Variants in DDR1 observed in about 807,000 individuals in gnomAD.
DDR1 encodes the protein discoidin domain receptor tyrosine kinase 1.
Under a neutral mutation model 97.4 loss-of-function variants are expected in DDR1, and 64 were observed. The ratio of observed to expected loss-of-function variants is 0.66; its 90% CI spans 0.54 to 0.81. The LOEUF is 0.81. Ranked by LOEUF, DDR1 falls within the 30% of genes least tolerant of loss-of-function variation. DDR1 has a pLI of 0.00. For synonymous variants in DDR1, 458 were observed against 503.7 expected (o/e 0.91, Z 1.21); for missense variants, 990 against 1,259.6 (o/e 0.79, Z 3.24).
rs1786803676 is a variant in DDR1, at chr6:30,888,704, C to G, written c.-26C>G. 6.2e-7 allele frequency: 1 copy of G among 1,612,474 alleles called. No homozygotes were observed. Among genetic ancestry groups the G allele is most frequent in the East Asian group, 2.2e-5 (1 of 44,858 alleles). ...CCCCTGCAGAGATGCTGCCCCCACC[C>G]CCTTAGGCCCGAGGGATCAGGAGCT... On this transcript the variant is annotated 5_prime_UTR_variant, in exon 2 of 18. Transcript: ENST00000376568. The surrounding 1 kb of genome is among the most constrained non-coding windows in gnomAD (Gnocchi z 4.2).
chr6:30,892,571 TC>T (rs765021204), intron 8 of DDR1, 29 bp downstream of exon 8: 3 of 1,531,038 alleles, frequency 2.0e-6, no homozygotes, highest in African/African-American at 2.8e-5. Context: ...CAGTCTCCAG[TC>T]CCTGAAATTG....
At chr6:30,882,685 G>T (rs1047985621), upstream of DDR1, 8 of 152,684 alleles carry the variant, frequency 5.2e-5, no homozygotes, top group South Asian at 2.1e-4. This position sits in a 1 kb window ranked among gnomAD's most constrained non-coding sequence, Gnocchi z 4.8. Flanking sequence ...GGGGACAAAG[G>T]TTTCAGGACT....
Position 30,886,964 on chromosome 6 carries a change from T to G in DDR1, c.-42-1724T>G, listed in dbSNP as rs1786076391. 6.6e-6 allele frequency: 1 copy of G among 152,230 alleles called. No individual in the cohort carries two copies. Among genetic ancestry groups the G allele is most frequent in the Non-Finnish European group, 1.5e-5 (1 of 68,064 alleles). 9.4% of individuals were successfully genotyped at this position (152,230 alleles called of 1,614,324 possible). On this transcript the variant is annotated intron_variant, in intron 1 of 17. Coordinates refer to ENST00000376568, the MANE Select transcript of DDR1 (RefSeq NM_001297654.2). The surrounding 1 kb of genome is among the most constrained non-coding windows in gnomAD (Gnocchi z 4.6). ...AGGAACAGAGTAGGGATTTTCAAAC[T>G]TTAATGGGCACAGGTCACCTGGGAA...
At position 30,890,692 on chromosome 6, in the gene DDR1, A is replaced by G. The variant is rs2150320857; in HGVS notation, c.418-281A>G. The stretch of plus-strand genomic sequence containing the variant: ...GGGAGAATCTGGGCACAATGGGATG[A>G]TAGGCTTGGAGACAAATGGATGGAG... On this transcript the variant is annotated intron_variant, in intron 4 of 17. Coordinates refer to ENST00000376568, the MANE Select transcript of DDR1 (RefSeq NM_001297654.2). This position sits in a 1 kb window ranked among gnomAD's most constrained non-coding sequence, Gnocchi z 5.0. 4.7e-6 allele frequency: 2 copies of G among 422,634 alleles called. No individual in the cohort carries two copies. Among genetic ancestry groups the G allele is most frequent in the East Asian group, 7.7e-5 (2 of 25,892 alleles). 26.2% of individuals were successfully genotyped at this position (422,634 alleles called of 1,614,324 possible).
rs200321415 is a variant in DDR1, at chr6:30,893,435, C to T, written c.1347+12C>T. ...GGCTCCTCAGCAAGGTGGGCACAGCCGTGGCATGTGGAGTGGCGGGGGGAG... is the reference window on the plus strand; with the variant it reads ...GGCTCCTCAGCAAGGTGGGCACAGCTGTGGCATGTGGAGTGGCGGGGGGAG... On this transcript the variant is annotated intron_variant, in intron 10 of 17. Coordinates refer to ENST00000376568, the MANE Select transcript of DDR1 (RefSeq NM_001297654.2). The T allele has an allele frequency of 8.8e-6, 14 of 1,599,428 alleles. No individual in the cohort carries two copies. Among genetic ancestry groups the T allele is most frequent in the East Asian group, 4.5e-5 (2 of 44,732 alleles).
chr6:30,897,601 C>A lies in DDR1; in HGVS notation c.2216+4C>A. 1 of 1,606,362 alleles carries A rather than the reference C, an allele frequency of 6.2e-7. No homozygotes were observed. Among genetic ancestry groups the A allele is most frequent in the Non-Finnish European group, 8.5e-7 (1 of 1,177,596 alleles). On this transcript the variant is annotated splice_donor_region_variant and intron_variant, in intron 15 of 17. Coordinates refer to ENST00000376568, the MANE Select transcript of DDR1 (RefSeq NM_001297654.2). This position sits in a 1 kb window ranked among gnomAD's most constrained non-coding sequence, Gnocchi z 5.2. ...CTGCGCAGGGGCCCACCATCAGGTA[C>A]CTGCTTACCCAGGCTGGGCCTTGCT...
In DDR1 at chr6:30,895,382, C is replaced by T. The variant is rs372202163; in HGVS notation, c.1514-22C>T. On this transcript the variant is annotated intron_variant, in intron 11 of 17. Coordinates refer to ENST00000376568, the MANE Select transcript of DDR1 (RefSeq NM_001297654.2). Reference sequence around the variant, plus strand: ...TGAGTCTCATCCCTTCCCCGTGTTTCCCCTCCTCCTTCTCCCGACAGCGTT... The same window carrying T: ...TGAGTCTCATCCCTTCCCCGTGTTTTCCCTCCTCCTTCTCCCGACAGCGTT... The T allele has an allele frequency of 4.4e-6, 7 of 1,584,084 alleles. No homozygotes were observed. In the African/African-American group the frequency reaches 8.1e-5, roughly 18 times the overall value.
At chr6:30,892,219 T>C (rs2150350296) in intron 7 of DDR1, 31 bp downstream of exon 7, 3 of 1,612,466 alleles carry the variant, frequency 1.9e-6, no homozygotes, top group Non-Finnish European at 2.5e-6. Context: ...AGGAGGGCTC[T>C]GAAGCCATGC....
rs765761360 is a variant in DDR1 at position 30,892,162 on chromosome 6, C to T, written c.826C>T (p.Arg276Trp). 21 of 1,614,152 alleles carry T rather than the reference C, an allele frequency of 1.3e-5. No individual in the cohort carries two copies. The highest frequency in any genetic ancestry group is 6.7e-5 in the Admixed American group (4 of 60,022). Residue 276 changes from arginine (R) to tryptophan (W), a missense_variant, in exon 7 of 18, where the codon CGG becomes TGG. Physicochemically the swap from Arg to Trp is moderately radical, Grantham distance 101. Transcript: ENST00000376568. ...TGTGGAGATGGAGTTTGAGTTTGAC[C>T]GGCTGAGGGCCTTCCAGGCTATGCA... Reference protein sequence around the residue: ...GYVEMEFEFDRLRAFQAMQVH... With the variant: ...GYVEMEFEFDWLRAFQAMQVH...
chr6:30,882,276 C>T (rs1784426356), upstream of DDR1, among the ~76,000 whole-genome samples: 1 of 152,248 alleles, frequency 6.6e-6, no homozygotes, highest in South Asian at 2.1e-4. This position sits in a 1 kb window ranked among gnomAD's most constrained non-coding sequence, Gnocchi z 4.8. Context: ...TTCCCATCCT[C>T]TCCTTCCTGG....
Position 30,897,073 on chromosome 6 carries a change from T to G in DDR1, c.1929T>G (p.Asn643Lys), listed in dbSNP as rs1406176405. The change falls in exon 14 of 18, where the codon AAT becomes AAG. Residue 643 changes from asparagine to lysine, a missense_variant. Physicochemically the swap from Asn to Lys is moderately conservative, Grantham distance 94. Transcript: ENST00000376568. The surrounding 1 kb of genome is among the most constrained non-coding windows in gnomAD (Gnocchi z 5.2). ...TGGTTAGTCTTGATTTCCCCCTTAATGTGCGTAAGGGACACCCTTTGCTGG... is the reference window on the plus strand; with the variant it reads ...TGGTTAGTCTTGATTTCCCCCTTAAGGTGCGTAAGGGACACCCTTTGCTGG... ...QDLVSLDFPL[N>K]VRKGHPLLVA... 1.2e-6 allele frequency: 2 copies of G among 1,613,776 alleles called. No individual in the cohort carries two copies. Among genetic ancestry groups the G allele is most frequent in the Non-Finnish European group, 1.7e-6 (2 of 1,179,898 alleles).
intron 1 of DDR1, among the ~76,000 whole-genome samples, chr6:30,887,992 G>C (rs1786519769): frequency 6.6e-6 from 1 of 152,172 alleles, no homozygotes; most frequent in Non-Finnish European, 1.5e-5. Context: ...GACATTGCTA[G>C]ATTGCTTTCC....
upstream of DDR1, chr6:30,882,675 G>A (rs1359691741): frequency 6.6e-6 from 1 of 152,442 alleles, no homozygotes; most frequent in Non-Finnish European, 1.5e-5. The surrounding 1 kb of genome is among the most constrained non-coding windows in gnomAD (Gnocchi z 4.8). Context: ...AGTGAGAAGA[G>A]GGGACAAAGG....
rs112944019 is a variant in DDR1 at position 30,892,079 on chromosome 6, G to A, written c.743G>A (p.Arg248Gln). 9 of 1,614,076 alleles carry A rather than the reference G, an allele frequency of 5.6e-6. No individual in the cohort carries two copies. The Admixed American group carries it at 6.7e-5, about 12-fold the overall frequency. ...LDDFRKSQELRVWPGYDYVGW... is the reference protein window; with the variant it reads ...LDDFRKSQELQVWPGYDYVGW... ...GACTTTAGGAAGAGTCAGGAGCTGCGGGTCTGGCCAGGCTATGACTATGTG... is the reference window on the plus strand; with the variant it reads ...GACTTTAGGAAGAGTCAGGAGCTGCAGGTCTGGCCAGGCTATGACTATGTG... Residue 248 changes from arginine to glutamine, a missense_variant, in exon 7 of 18, where the codon CGG becomes CAG. Arg to Gln is a conservative substitution (Grantham distance 43, BLOSUM62 1). Coordinates refer to ENST00000376568, the MANE Select transcript of DDR1 (RefSeq NM_001297654.2).
chr6:30,895,299 C>G (rs759442748), intron 11 of DDR1, 105 bp from the exon 12 acceptor site: 1 of 762,116 alleles, frequency 1.3e-6, no homozygotes, highest in Non-Finnish European at 2.1e-6. Context: ...TCTCTTAATG[C>G]AATCATCCCA....
Position 30,895,401 on chromosome 6 carries a change from C to T in DDR1, c.1514-3C>T. 1 of 1,607,224 alleles carries T rather than the reference C, an allele frequency of 6.2e-7. No homozygotes were observed. The highest frequency in any genetic ancestry group is 8.5e-7 in the Non-Finnish European group (1 of 1,176,820). ...GTGTTTCCCCTCCTCCTTCTCCCGA[C>T]AGCGTTGCTGCTCTCCAATCCAGCC... On this transcript the variant is annotated splice_polypyrimidine_tract_variant and splice_region_variant and intron_variant, in intron 11 of 17. Transcript: ENST00000376568.
rs997349656 is a variant in DDR1 at position 30,886,017 on chromosome 6, C to T, written c.-43+1307C>T. ...CCTCTCTTGCCCTCTGGGTCTCTGACTGTGGACTGAAGACCCAGTGGAGAG... is the reference window on the plus strand; with the variant it reads ...CCTCTCTTGCCCTCTGGGTCTCTGATTGTGGACTGAAGACCCAGTGGAGAG... On this transcript the variant is annotated intron_variant, in intron 1 of 17. Coordinates refer to ENST00000376568, the MANE Select transcript of DDR1 (RefSeq NM_001297654.2). The surrounding 1 kb of genome is among the most constrained non-coding windows in gnomAD (Gnocchi z 4.6). 6.6e-6 allele frequency among the ~76,000 whole-genome samples: 1 copy of T among 152,066 alleles called. No homozygotes were observed. The highest frequency in any genetic ancestry group is 1.5e-5 in the Non-Finnish European group (1 of 68,028).
chr6:30,898,442 T>C (rs1791745352), intron 16 of DDR1, 135 bp downstream of exon 16: 2 of 698,958 alleles, frequency 2.9e-6, no homozygotes, highest in Non-Finnish European at 4.8e-6. Context: ...TAATATGAGG[T>C]TCTCCTAGCC....
rs2150487410 is a variant in DDR1, at chr6:30,899,279, G to A, written c.2725G>A (p.Ala909Thr). The A allele has an allele frequency of 6.2e-7, 1 of 1,613,122 alleles. No individual in the cohort carries two copies. The highest frequency in any genetic ancestry group is 8.5e-7 in the Non-Finnish European group (1 of 1,179,408). Residue 909 changes from alanine (A) to threonine (T), a missense_variant, in exon 18 of 18, where the codon GCA (alanine) becomes ACA (threonine). By Grantham distance (58) the Ala-to-Thr change is moderately conservative (BLOSUM62 0). Transcript: ENST00000376568. Reference protein sequence around the residue: ...SQLHRFLAEDALNTV With the variant: ...SQLHRFLAEDTLNTV ...GCTGCATCGGTTCCTGGCAGAGGATGCACTCAACACGGTGTGAATCACACA... is the reference window on the plus strand; with the variant it reads ...GCTGCATCGGTTCCTGGCAGAGGATACACTCAACACGGTGTGAATCACACA...
Sources: allele counts gnomAD v4.1 joint callset (sites outside exome capture counted in the v4.1 genomes callset), GRCh38; gene constraint gnomAD v4.1.1; non-coding constraint Gnocchi (gnomAD v3.1); transcripts MANE v1.5; gene names NCBI Gene and HGNC (gene_info 2026-07-23, HGNC 2026-07-21).